Variants in DENND3 observed in about 807,000 individuals in gnomAD.
DENND3 encodes the protein DENN domain containing 3.
DENND3 carries 88 observed loss-of-function variants against 135.1 expected under a neutral mutation model. The ratio of observed to expected loss-of-function variants is 0.65; its 90% CI spans 0.55 to 0.78. The LOEUF (loss-of-function observed/expected upper bound fraction) is 0.78, where lower values mean the gene tolerates loss of function less well. Among genes scored for constraint, DENND3 ranks in the 30% least tolerant of loss-of-function variants. The pLI, the probability that DENND3 is intolerant of heterozygous loss-of-function variation, is 0.00. For synonymous variants in DENND3, 693 were observed against 712.3 expected (o/e 0.97, Z 0.43); for missense variants, 1,392 against 1,688.4 (o/e 0.82, Z 3.08).
rs201431534 is a variant in DENND3 at position 141,194,198 on chromosome 8, G to A, written c.3802G>A (p.Glu1268Lys). 9 of 1,613,294 alleles carry A rather than the reference G, an allele frequency of 5.6e-6. No individual in the cohort carries two copies. The highest frequency in any genetic ancestry group is 7.6e-6 in the Non-Finnish European group (9 of 1,179,956). ...DRYVLSGSGREEGKVAIWKGE is the reference protein window; with the variant it reads ...DRYVLSGSGRKEGKVAIWKGE ...ATACGTGCTGAGTGGGTCGGGCAGG[G>A]AGGAGGGGAAAGTCGCCATTTGGAA... The change falls in exon 23 of 23, where the codon GAG becomes AAG. Residue 1268 changes from glutamate (E) to lysine (K), a missense_variant. By Grantham distance (56) the Glu-to-Lys change is moderately conservative. Transcript: ENST00000519811.
At position 141,130,831 on chromosome 8, in the gene DENND3, CGTGT is replaced by C. The variant is rs1815982145; in HGVS notation, c.102+2024_102+2027del. On this transcript the variant is annotated intron_variant, in intron 1 of 22. Transcript: ENST00000519811. This position sits in a 1 kb window ranked among gnomAD's most constrained non-coding sequence, Gnocchi z 4.2. ...CCTCCTAAGTAGCTGGGATTACAGG[CGTGT>C]GCCACCATGCCCAGCTAATTTTTGT... Among the ~76,000 whole-genome samples, 1 of 151,936 alleles carries C rather than the reference CGTGT, an allele frequency of 6.6e-6. No individual in the cohort carries two copies. The highest frequency in any genetic ancestry group is 2.1e-4 in the South Asian group (1 of 4,824).
At chr8:141,188,853 C>G in intron 18 of DENND3, 133 bp from the exon 19 acceptor site, 1 of 1,236,444 alleles carries the variant, frequency 8.1e-7, no homozygotes, top group Non-Finnish European at 1.1e-6. Flanking sequence ...GCTCCCAGGA[C>G]CCTGAGCCGG....
chr8:141,188,201 G>C (rs891069274), intron 18 of DENND3: 1 of 152,298 alleles, frequency 6.6e-6, no homozygotes, highest in Non-Finnish European at 1.5e-5. Flanking sequence ...CTCCAGCCTG[G>C]GTGGCAGAGT....
chr8:141,157,590 C>A (rs774762239), intron 8 of DENND3: 30 of 985,906 alleles, frequency 3.0e-5, no homozygotes, highest in Non-Finnish European at 3.6e-5. Flanking sequence ...AGTCAGCCAT[C>A]ACCTTTCTTC....
chr8:141,192,902 C>T, intron 22 of DENND3: 1 of 1,480,320 alleles, frequency 6.8e-7, no homozygotes. Context: ...TGGATGGCTT[C>T]AAATGACAGA....
At chr8:141,183,835 G>A (rs1161912464) in intron 17 of DENND3, among the ~76,000 whole-genome samples, 1 of 151,514 alleles carries the variant, frequency 6.6e-6, no homozygotes, top group African/African-American at 2.4e-5. Flanking sequence ...GATGGCAAAA[G>A]CTGTCCTGGC....
At position 141,176,611 on chromosome 8, in the gene DENND3, T is replaced by G. The variant is rs980675825; in HGVS notation, c.2556T>G (p.Thr852=). The G allele has an allele frequency of 1.9e-6, 3 of 1,614,150 alleles. No homozygotes were observed. The highest frequency in any genetic ancestry group is 2.5e-6 in the Non-Finnish European group (3 of 1,180,056). Residue 852 remains threonine, a synonymous_variant, in exon 15 of 23, where the codon ACT becomes ACG. Transcript: ENST00000519811. ...TGCAGGAGGTCAGGAGAACCACTAC[T>G]ACATTTCTACTTCGGAGAATACCCA... The part of the protein sequence containing the change: ...RNIEEVRRTT[T]TFLLRRIPTL...
chr8:141,142,915 T>C (rs1310421611), intron 4 of DENND3: 3 of 156,588 alleles, frequency 1.9e-5, no homozygotes, highest in African/African-American at 7.2e-5. Flanking sequence ...GTCGATGTTA[T>C]GTGTGTTTAT....
chr8:141,128,707 C>T lies in DENND3; in HGVS notation c.-1C>T. ...GTACTGGCGGCGGGCGGCGGGCAGC[C>T]ATGGCGGAGGCCGCGTCGCCGCACT... On this transcript the variant is annotated 5_prime_UTR_variant, in exon 1 of 23. Transcript: ENST00000519811. The surrounding 1 kb of genome is among the most constrained non-coding windows in gnomAD (Gnocchi z 4.5). 7.1e-7 allele frequency: 1 copy of T among 1,403,692 alleles called. No homozygotes were observed. The highest frequency in any genetic ancestry group is 9.3e-7 in the Non-Finnish European group (1 of 1,080,378). The allele number at this position is 1,403,692 out of a possible 1,614,324, so 87.0% of individuals were successfully genotyped here. A position where few individuals can be genotyped will look rare whatever the true frequency, so the allele number is the denominator to read the frequency against.
intron 5 of DENND3, among the ~76,000 whole-genome samples, chr8:141,148,402 C>G (rs1818408527): frequency 6.6e-6 from 1 of 152,210 alleles, no homozygotes; most frequent in African/African-American, 2.4e-5. Context: ...ACTCTGCGCT[C>G]ACCTGCCTTT....
At chr8:141,150,649 C>T (rs981802597) in intron 5 of DENND3, among the ~76,000 whole-genome samples, 185 bp from the exon 6 acceptor site, 2 of 152,200 alleles carry the variant, frequency 1.3e-5, no homozygotes, top group African/African-American at 2.4e-5. Context: ...ATGTTTGAGC[C>T]TTTATCGGCA....
Position 141,166,306 on chromosome 8 carries a change from A to G in DENND3, c.1670A>G (p.Gln557Arg). Residue 557 changes from glutamine to arginine, a missense_variant, in exon 12 of 23, where the codon CAG becomes CGG. Coordinates refer to ENST00000519811, the MANE Select transcript of DENND3 (RefSeq NM_001352890.3). This position sits in a 1 kb window ranked among gnomAD's most constrained non-coding sequence, Gnocchi z 4.3. ...RRMVVSMPNL[Q>R]DIAMPELAPR... ...ATGGTGGTCAGCATGCCCAACCTGC[A>G]GGACATTGCCATGCCTGAGCTGGCA... 1 of 1,614,032 alleles carries G rather than the reference A, an allele frequency of 6.2e-7. No homozygotes were observed. The highest frequency in any genetic ancestry group is 8.5e-7 in the Non-Finnish European group (1 of 1,180,046).
chr8:141,136,034 C>G (rs945655450), intron 1 of DENND3, among the ~76,000 whole-genome samples: 10 of 152,196 alleles, frequency 6.6e-5, no homozygotes, highest in African/African-American at 2.4e-4. Flanking sequence ...GAGCCTGCCC[C>G]CACCCAGGGA....
chr8:141,174,425 G>A lies in DENND3; in HGVS notation c.2276-775G>A, dbSNP rs1483079884. Among the ~76,000 whole-genome samples, 3 of 152,148 alleles carry A rather than the reference G, an allele frequency of 2.0e-5. No individual in the cohort carries two copies. Among genetic ancestry groups the A allele is most frequent in the African/African-American group, 4.8e-5 (2 of 41,428 alleles). On this transcript the variant is annotated intron_variant, in intron 13 of 22. Coordinates refer to ENST00000519811, the MANE Select transcript of DENND3 (RefSeq NM_001352890.3). This position sits in a 1 kb window ranked among gnomAD's most constrained non-coding sequence, Gnocchi z 4.6. ...AGGGACACTGGGTGGAGGCAGAGCC[G>A]AGCAGGCAGGCTAGGGGCTTGAGTT... is the stretch of plus-strand genomic sequence containing the variant.
Position 141,168,047 on chromosome 8 carries a change from C to A in DENND3, c.1797C>A (p.Pro599=). The A allele has an allele frequency of 6.2e-7, 1 of 1,613,798 alleles. No homozygotes were observed. The highest frequency in any genetic ancestry group is 1.7e-5 in the Admixed American group (1 of 60,008). The change falls in exon 13 of 23, where the codon CCC becomes CCA. Residue 599 remains proline, a synonymous_variant. Transcript: ENST00000519811. This position sits in a 1 kb window ranked among gnomAD's most constrained non-coding sequence, Gnocchi z 6.2. ...AGTCCCCGTATACATTCAAGATTCCCGAAATCCACTTTCCGCTGGAGAGCA... is the reference window on the plus strand; with the variant it reads ...AGTCCCCGTATACATTCAAGATTCCAGAAATCCACTTTCCGCTGGAGAGCA... ...TPKSPYTFKI[P]EIHFPLESKC... is the part of the protein sequence containing the mutation.
intron 18 of DENND3, among the ~76,000 whole-genome samples, chr8:141,187,821 AAAC>A (rs984814664): frequency 6.6e-6 from 1 of 152,250 alleles, no homozygotes; most frequent in Non-Finnish European, 1.5e-5. Context: ...GCTTTAAACC[AAAC>A]AACAAAAAAA....
At chr8:141,149,722 C>T (rs1818559054) in intron 5 of DENND3, among the ~76,000 whole-genome samples, 1 of 152,240 alleles carries the variant, frequency 6.6e-6, no homozygotes, top group Non-Finnish European at 1.5e-5. Context: ...GAAAACCTAG[C>T]CGGGCACGGG....
rs1440293739 is a variant in DENND3, at chr8:141,166,783, G to T, written c.1753+394G>T. On this transcript the variant is annotated intron_variant, in intron 12 of 22. Transcript: ENST00000519811. This position sits in a 1 kb window ranked among gnomAD's most constrained non-coding sequence, Gnocchi z 4.3. ...AGCTGTGAAGGAGCCCAGTGCCCCT[G>T]CCCTCGTGGAGCTGGCATTCCAGGG... Among the ~76,000 whole-genome samples, 1 of 152,244 alleles carries T rather than the reference G, an allele frequency of 6.6e-6. No individual in the cohort carries two copies. The highest frequency in any genetic ancestry group is 1.5e-5 in the Non-Finnish European group (1 of 68,040).
Position 141,189,004 on chromosome 8 carries a change from G to A in DENND3, c.3103G>A (p.Asp1035Asn), listed in dbSNP as rs752437802. ...TAKVNCMVMA[D>N]QNQVWVGSED... ...CTGTTAGAACTGCATGGTGATGGCC[G>A]ACCAGAACCAGGTGTGGGTTGGCTC... is the stretch of plus-strand genomic sequence containing the variant. The change falls in exon 19 of 23, where the codon GAC becomes AAC. Residue 1035 changes from aspartate (D) to asparagine (N), a missense_variant. Transcript: ENST00000519811. 3.0e-5 allele frequency: 49 copies of A among 1,613,582 alleles called. No individual in the cohort carries two copies. Among genetic ancestry groups the A allele is most frequent in the South Asian group, 1.1e-4 (10 of 90,992 alleles).
Sources: gnomAD v4.1 joint callset for allele counts (sites outside exome capture counted in the v4.1 genomes callset) on GRCh38, gnomAD v4.1.1 for gene constraint, Gnocchi (gnomAD v3.1) non-coding constraint, MANE v1.5 for transcripts, NCBI Gene and HGNC (gene_info 2026-07-23, HGNC 2026-07-21) for gene names.